Variants in RBM26 observed in about 807,000 individuals in gnomAD.
RBM26 encodes RNA binding motif protein 26.
RBM26 carries 30 observed loss-of-function variants against 123.6 expected under a neutral mutation model. The ratio of observed to expected loss-of-function variants is 0.24; its 90% CI spans 0.18 to 0.33. The LOEUF (loss-of-function observed/expected upper bound fraction) is 0.33. Ranked by LOEUF, RBM26 falls within the 10% of genes least tolerant of loss-of-function variation. RBM26 has a pLI of 1.00. For synonymous variants in RBM26, 400 were observed against 404.4 expected (o/e 0.99, Z 0.13); for missense variants, 947 against 1,203.6 (o/e 0.79, Z 3.15).
At chr13:79,366,330 T>C in intron 7 of RBM26, 135 bp from the exon 8 acceptor site, 1 of 1,018,052 alleles carries the variant, frequency 9.8e-7, no homozygotes, top group Non-Finnish European at 1.4e-6. Flanking sequence ...CTGAATTAGA[T>C]ATCCAGGGTA....
intron 1 of RBM26, among the ~76,000 whole-genome samples, chr13:79,399,737 C>A (rs77985981): frequency 6.6e-6 from 1 of 151,958 alleles, no homozygotes; most frequent in African/African-American, 2.4e-5. Context: ...CATTTAGATA[C>A]GGAGTGTGAG....
At chr13:79,353,246 T>A in intron 13 of RBM26, 22 bp from the exon 14 acceptor site, 1 of 1,346,214 alleles carries the variant, frequency 7.4e-7, no homozygotes, top group Non-Finnish European at 1.0e-6. Flanking sequence ...AAAATGGACA[T>A]ATTCAGTGTT....
chr13:79,342,541 T>A, intron 17 of RBM26, 123 bp downstream of exon 17: 1 of 680,160 alleles, frequency 1.5e-6, no homozygotes, highest in South Asian at 2.1e-5. Flanking sequence ...AGGGGGAGAA[T>A]GGTACATACA....
At chr13:79,383,672 G>A (rs1184412775) in intron 1 of RBM26, among the ~76,000 whole-genome samples, 1 of 151,792 alleles carries the variant, frequency 6.6e-6, no homozygotes, top group Non-Finnish European at 1.5e-5. Context: ...TACATTGGGG[G>A]GTGGGGGGAA....
intron 19 of RBM26, among the ~76,000 whole-genome samples, chr13:79,336,079 T>C (rs1266874893): frequency 1.3e-5 from 2 of 152,178 alleles, no homozygotes; most frequent in Non-Finnish European, 2.9e-5. Context: ...TGACAAAATA[T>C]CTGTAACTGC....
intron 1 of RBM26, among the ~76,000 whole-genome samples, chr13:79,403,062 A>T (rs1165977148): frequency 6.6e-6 from 1 of 151,840 alleles, no homozygotes; most frequent in East Asian, 1.9e-4. Context: ...TCTCAAACAG[A>T]GGTCGTTTGG....
intron 8 of RBM26, 77 bp downstream of exon 8, chr13:79,365,978 A>C: frequency 7.1e-7 from 1 of 1,399,486 alleles, no homozygotes; most frequent in Non-Finnish European, 9.9e-7. Context: ...CTCACAGAGC[A>C]ATTCTCTCTA....
At chr13:79,317,977 T>G (rs1251376986), downstream of RBM26, among the ~76,000 whole-genome samples, 2 of 151,640 alleles carry the variant, frequency 1.3e-5, no homozygotes, top group African/African-American at 4.8e-5. Context: ...GATAAAATGA[T>G]GAATAAGACA....
At chr13:79,370,763 C>T (rs1432935526) in intron 5 of RBM26, among the ~76,000 whole-genome samples, 182 bp downstream of exon 5, 3 of 152,110 alleles carry the variant, frequency 2.0e-5, no homozygotes, top group African/African-American at 7.2e-5. Context: ...GTAGTGGTAA[C>T]TGTGATTTTA....
intron 9 of RBM26, among the ~76,000 whole-genome samples, chr13:79,361,035 G>A (rs1393750671): frequency 1.3e-5 from 2 of 152,138 alleles, no homozygotes; most frequent in Non-Finnish European, 2.9e-5. Context: ...CCTGCAGGAG[G>A]AGAGCATATA....
intron 1 of RBM26, among the ~76,000 whole-genome samples, chr13:79,384,511 C>A (rs1173768496): frequency 6.6e-6 from 1 of 152,122 alleles, no homozygotes; most frequent in Admixed American, 6.6e-5. Flanking sequence ...TCTTCCTCGG[C>A]CTCCCAAAGT....
At chr13:79,315,815 C>T (rs2067090874), downstream of RBM26, among the ~76,000 whole-genome samples, 1 of 151,740 alleles carries the variant, frequency 6.6e-6, no homozygotes, top group South Asian at 2.1e-4. Flanking sequence ...ACCAAAGTTT[C>T]TTTCCTAGGA....
At chr13:79,369,110 AATC>A (rs1037398816) in intron 5 of RBM26, 120 bp from the exon 6 acceptor site, 43 of 572,730 alleles carry the variant, frequency 7.5e-5, no homozygotes, top group African/African-American at 6.1e-4. Context: ...TTTGCATAAT[AATC>A]ATTTTCTTTT....
At chr13:79,400,518 A>G (rs2078974292) in intron 1 of RBM26, among the ~76,000 whole-genome samples, 1 of 152,228 alleles carries the variant, frequency 6.6e-6, no homozygotes, top group African/African-American at 2.4e-5. Flanking sequence ...ACTTAACGAA[A>G]TTAAATTTCA....
At chr13:79,400,515 G>A (rs568373156) in intron 1 of RBM26, among the ~76,000 whole-genome samples, 1 of 152,212 alleles carries the variant, frequency 6.6e-6, no homozygotes, top group East Asian at 1.9e-4. Flanking sequence ...AATACTTAAC[G>A]AAATTAAATT....
At chr13:79,380,410 T>C (rs1204413249) in intron 1 of RBM26, among the ~76,000 whole-genome samples, 3 of 151,722 alleles carry the variant, frequency 2.0e-5, no homozygotes, top group Non-Finnish European at 4.4e-5. Context: ...TATATATATG[T>C]GGAAGGATAA....
intron 1 of RBM26, among the ~76,000 whole-genome samples, chr13:79,397,998 A>G (rs961919706): frequency 2.0e-5 from 3 of 152,210 alleles, no homozygotes; most frequent in Non-Finnish European, 2.9e-5. Flanking sequence ...AACTTACTCC[A>G]TTATTTAATA....
chr13:79,355,806 T>G (rs901206632), intron 11 of RBM26, among the ~76,000 whole-genome samples: 1 of 151,976 alleles, frequency 6.6e-6, no homozygotes, highest in African/African-American at 2.4e-5. Flanking sequence ...TCTGAACAAT[T>G]GCCCAAATTT....
At chr13:79,371,967 T>C (rs924879844) in intron 3 of RBM26, 37 bp from the exon 4 acceptor site, 1 of 1,432,902 alleles carries the variant, frequency 7.0e-7, no homozygotes, top group Non-Finnish European at 9.7e-7. Context: ...ACAAGTTTAG[T>C]AATTATTCCA....
Sources: gnomAD v4.1 joint callset for allele counts (sites outside exome capture counted in the v4.1 genomes callset) on GRCh38, gnomAD v4.1.1 for gene constraint, MANE v1.5 for transcripts, NCBI Gene and HGNC (gene_info 2026-07-23, HGNC 2026-07-21) for gene names.